PMEPA1: variants seen among roughly 807,000 people sequenced by gnomAD.
PMEPA1 encodes the protein protein TMEPAI.
Under a neutral mutation model 23.0 loss-of-function variants are expected in PMEPA1, and 11 were observed. The ratio of observed to expected loss-of-function variants is 0.48; its 90% CI spans 0.30 to 0.79. PMEPA1 has a LOEUF of 0.79. Ranked by LOEUF, PMEPA1 falls within the 30% of genes least tolerant of loss-of-function variation. PMEPA1 has a pLI of 0.06. For synonymous variants in PMEPA1, 204 were observed against 166.4 expected, an observed-to-expected ratio of 1.23 and a Z score of -1.74; for missense variants, 377 against 390.9, an observed-to-expected ratio of 0.96 and a Z score of 0.30.
intron 1 of PMEPA1, chr20:57,690,611 A>G: frequency 8.2e-7 from 1 of 1,219,478 alleles, no homozygotes; most frequent in African/African-American, 1.6e-5. Flanking sequence ...AACAGGTGGC[A>G]GGGGCCTGGA....
At chr20:57,691,359 G>A (rs539826490) in intron 1 of PMEPA1, among the ~76,000 whole-genome samples, 5 of 152,320 alleles carry the variant, frequency 3.3e-5, no homozygotes, top group African/African-American at 1.2e-4. Context: ...TCCAGCAGAG[G>A]GGCTGCGCTA....
chr20:57,664,311 G>A (rs921649797), intron 1 of PMEPA1, among the ~76,000 whole-genome samples: 3 of 152,120 alleles, frequency 2.0e-5, no homozygotes, highest in Non-Finnish European at 2.9e-5. Flanking sequence ...CTCAGCATGC[G>A]GGCCTCTACG....
chr20:57,710,287 T>C, upstream of PMEPA1: 1 of 685,774 alleles, frequency 1.5e-6, no homozygotes, highest in Non-Finnish European at 2.2e-6. Context: ...GGAGCCGAAC[T>C]CGGTGCCAGC....
chr20:57,711,091 G>T (rs1180632587), upstream of PMEPA1: 2 of 152,220 alleles, frequency 1.3e-5, no homozygotes, highest in Non-Finnish European at 2.9e-5. Context: ...GGTGGAGCCT[G>T]TGTGCCAACC....
At chr20:57,665,003 G>A (rs1400517735) in intron 1 of PMEPA1, among the ~76,000 whole-genome samples, 1 of 152,180 alleles carries the variant, frequency 6.6e-6, no homozygotes, top group Non-Finnish European at 1.5e-5. Context: ...TGCCCAGTAT[G>A]ACACCTGCAG....
chr20:57,699,577 G>C (rs1474782705), intron 1 of PMEPA1, among the ~76,000 whole-genome samples: 2 of 152,220 alleles, frequency 1.3e-5, no homozygotes, highest in African/African-American at 4.8e-5. Context: ...GGCCAAGCAA[G>C]GCGTGTGGGG....
intron 1 of PMEPA1, among the ~76,000 whole-genome samples, chr20:57,681,398 G>T (rs958223141): frequency 6.6e-6 from 1 of 152,160 alleles, no homozygotes; most frequent in Non-Finnish European, 1.5e-5. Context: ...ACCAGGGGTT[G>T]CCCCGGAGCC....
intron 1 of PMEPA1, among the ~76,000 whole-genome samples, chr20:57,670,370 C>T (rs1449943444): frequency 6.6e-6 from 1 of 151,904 alleles, no homozygotes; most frequent in African/African-American, 2.4e-5. Context: ...AGTGTGCTGT[C>T]TCACCACCCG....
chr20:57,661,024 C>T (rs2071411747), intron 1 of PMEPA1, among the ~76,000 whole-genome samples: 1 of 152,216 alleles, frequency 6.6e-6, no homozygotes, highest in Non-Finnish European at 1.5e-5. Flanking sequence ...ACACGCCACG[C>T]TCAACAGGAC....
Position 57,652,177 on chromosome 20 carries a change from T to C in PMEPA1, c.740A>G (p.Gln247Arg). 6.2e-7 allele frequency: 1 copy of C among 1,609,230 alleles called. No individual in the cohort carries two copies. Among genetic ancestry groups the C allele is most frequent in the African/African-American group, 1.3e-5 (1 of 74,998 alleles). Residue 247 changes from glutamine to arginine, a missense_variant, in exon 4 of 4, where the codon CAG (glutamine) becomes CGG (arginine). Physicochemically the swap from Gln to Arg is conservative, Grantham distance 43. Coordinates refer to ENST00000341744, the MANE Select transcript of PMEPA1 (RefSeq NM_020182.5). This position sits in a 1 kb window ranked among gnomAD's most constrained non-coding sequence, Gnocchi z 6.1. ...CAAGGAGGGCGGCCCACTGCTCTGCTGGTGCTGGAAGGAGGACCCCGGGTA... is the reference window on the plus strand; with the variant it reads ...CAAGGAGGGCGGCCCACTGCTCTGCCGGTGCTGGAAGGAGGACCCCGGGTA... ...GHYPGSSFQH[Q>R]QSSGPPSLLE... is the part of the protein sequence containing the mutation.
intron 1 of PMEPA1, among the ~76,000 whole-genome samples, chr20:57,708,554 A>G (rs965779325): frequency 3.3e-5 from 5 of 152,174 alleles, no homozygotes; most frequent in African/African-American, 9.7e-5. Flanking sequence ...CTGATCCCTT[A>G]TTTAGGGCCA....
intron 1 of PMEPA1, among the ~76,000 whole-genome samples, chr20:57,702,359 C>G (rs2072023173): frequency 6.6e-6 from 1 of 152,224 alleles, no homozygotes; most frequent in Non-Finnish European, 1.5e-5. Context: ...CAGAGATGCA[C>G]AGAGAGCTGG....
chr20:57,710,788 C>G (rs979270317), upstream of PMEPA1: 1 of 334,860 alleles, frequency 3.0e-6, no homozygotes, highest in Non-Finnish European at 5.4e-6. Flanking sequence ...GTTTTAATTA[C>G]AGGAGTGCTA....
At position 57,655,057 on chromosome 20, in the gene PMEPA1, G is replaced by A. The variant is rs926093783; in HGVS notation, c.265-1971C>T. 2.6e-5 allele frequency among the ~76,000 whole-genome samples: 4 copies of A among 151,934 alleles called. No homozygotes were observed. The highest frequency in any genetic ancestry group is 1.9e-4 in the East Asian group (1 of 5,158). On this transcript the variant is annotated intron_variant, in intron 2 of 3. Coordinates refer to ENST00000341744, the MANE Select transcript of PMEPA1 (RefSeq NM_020182.5). This position sits in a 1 kb window ranked among gnomAD's most constrained non-coding sequence, Gnocchi z 4.2. The stretch of plus-strand genomic sequence containing the variant: ...CCATACCCCCTAGATGTCCACGGCC[G>A]TAGTATAGCTGTTTCCTTTAACGGG...
rs930786089 is a variant in PMEPA1 at position 57,682,483 on chromosome 20, C to A, written c.110-22786G>T. Among the ~76,000 whole-genome samples the A allele has an allele frequency of 6.6e-6, 1 of 152,166 alleles. No homozygotes were observed. Among genetic ancestry groups the A allele is most frequent in the African/African-American group, 2.4e-5 (1 of 41,426 alleles). ...CCTGGAGTGTCGGGGTCCTAGGCGC[C>A]GGCCCAGAGGAGTTTCAAAGTCAGC... is the stretch of plus-strand genomic sequence containing the variant. On this transcript the variant is annotated intron_variant, in intron 1 of 3. Coordinates refer to ENST00000341744, the MANE Select transcript of PMEPA1 (RefSeq NM_020182.5). The surrounding 1 kb of genome is among the most constrained non-coding windows in gnomAD (Gnocchi z 4.4).
chr20:57,653,235 C>A (rs1386987149), intron 2 of PMEPA1, 149 bp from the exon 3 acceptor site: 4 of 700,680 alleles, frequency 5.7e-6, no homozygotes, highest in Admixed American at 4.2e-5. Flanking sequence ...TTCCCCAGCC[C>A]CTGGCCCTGG....
In PMEPA1 at chr20:57,652,041, C is replaced by A; in HGVS notation, c.*12G>T. ...TCACCTACGCAGCCCCAGCCCGGCC[C>A]CCCTGGGGACCCTAGAGAGGGTGTC... On this transcript the variant is annotated 3_prime_UTR_variant, in exon 4 of 4. Coordinates refer to ENST00000341744, the MANE Select transcript of PMEPA1 (RefSeq NM_020182.5). The surrounding 1 kb of genome is among the most constrained non-coding windows in gnomAD (Gnocchi z 6.1). The A allele has an allele frequency of 1.4e-6, 2 of 1,463,766 alleles. No individual in the cohort carries two copies. Among genetic ancestry groups the A allele is most frequent in the East Asian group, 2.5e-5 (1 of 40,446 alleles). The allele number at this position is 1,463,766 out of a possible 1,614,324, so 90.7% of individuals were successfully genotyped here. A position where few individuals can be genotyped will look rare whatever the true frequency, so the allele number is the denominator to read the frequency against.
At chr20:57,676,607 C>G (rs954985834) in intron 1 of PMEPA1, among the ~76,000 whole-genome samples, 13 of 152,248 alleles carry the variant, frequency 8.5e-5, no homozygotes, top group Non-Finnish European at 1.6e-4. Context: ...CATCAGAAGA[C>G]AGACCTAGAT....
At chr20:57,689,352 G>GT in intron 1 of PMEPA1, among the ~76,000 whole-genome samples, 1 of 152,282 alleles carries the variant, frequency 6.6e-6, no homozygotes, top group Non-Finnish European at 1.5e-5. Flanking sequence ...CAGTCTGAAC[G>GT]TGAGAAGGGG....
Sources: allele counts gnomAD v4.1 joint callset (sites outside exome capture counted in the v4.1 genomes callset), GRCh38; gene constraint gnomAD v4.1.1; non-coding constraint Gnocchi (gnomAD v3.1); transcripts MANE v1.5; gene names NCBI Gene and HGNC (gene_info 2026-07-23, HGNC 2026-07-21).